NIBAN1: variants seen among roughly 807,000 people sequenced by gnomAD.
The protein encoded by NIBAN1 is protein Niban 1.
Under a neutral mutation model 75.1 loss-of-function variants are expected in NIBAN1, and 81 were observed. The observed-to-expected ratio is 1.08, with a 90% CI of 0.90 to 1.30. The LOEUF is 1.30. NIBAN1 is among the 50% of genes most tolerant of loss of function. The pLI is 0.00. For synonymous variants in NIBAN1, 436 were observed against 424.8 expected, an observed-to-expected ratio of 1.03 and a Z score of -0.32; for missense variants, 1,133 against 1,128.1, an observed-to-expected ratio of 1.00 and a Z score of -0.06.
chr1:184,918,603 T>C (rs1404733617), intron 1 of NIBAN1, among the ~76,000 whole-genome samples: 1 of 152,222 alleles, frequency 6.6e-6, no homozygotes, highest in Non-Finnish European at 1.5e-5. Context: ...TAAATTCCTA[T>C]TCATCTGCAA....
intron 6 of NIBAN1, among the ~76,000 whole-genome samples, 198 bp from the exon 7 acceptor site, chr1:184,823,940 C>A (rs1257533863): frequency 6.6e-6 from 1 of 152,192 alleles, no homozygotes; most frequent in Non-Finnish European, 1.5e-5. Flanking sequence ...TCTTAAACAT[C>A]CGCAAGGAAC....
chr1:184,908,816 G>A (rs1292667356), intron 1 of NIBAN1, among the ~76,000 whole-genome samples: 1 of 152,138 alleles, frequency 6.6e-6, no homozygotes, highest in East Asian at 1.9e-4. Context: ...TTTCTAAGCT[G>A]TCTAATGCCC....
At chr1:184,844,740 G>A (rs1285527251) in intron 5 of NIBAN1, among the ~76,000 whole-genome samples, 2 of 152,112 alleles carry the variant, frequency 1.3e-5, no homozygotes, top group Non-Finnish European at 2.9e-5. Context: ...ATACATCCCA[G>A]CTTCATTATT....
chr1:184,860,176 G>A (rs1031196749), intron 5 of NIBAN1, among the ~76,000 whole-genome samples: 3 of 150,704 alleles, frequency 2.0e-5, no homozygotes, highest in African/African-American at 7.3e-5. Context: ...GGCCCAGACT[G>A]TAGACAGAAG....
At chr1:184,830,941 A>G (rs972733889) in intron 6 of NIBAN1, among the ~76,000 whole-genome samples, 4 of 151,630 alleles carry the variant, frequency 2.6e-5, no homozygotes, top group Admixed American at 2.6e-4. Flanking sequence ...CGGAGGTTGC[A>G]GTGAGCTGAG....
chr1:184,795,239 T>C lies in NIBAN1; in HGVS notation c.2525A>G (p.Glu842Gly), dbSNP rs1355479083. The C allele has an allele frequency of 1.2e-6, 2 of 1,613,674 alleles. No individual in the cohort carries two copies. Among genetic ancestry groups the C allele is most frequent in the South Asian group, 2.2e-5 (2 of 91,094 alleles). The change falls in exon 14 of 14, where the codon GAG becomes GGG. Residue 842 changes from glutamate (E) to glycine (G), a missense_variant. Glu to Gly is a moderately conservative substitution (Grantham distance 98, BLOSUM62 -2). Coordinates refer to ENST00000367511, the MANE Select transcript of NIBAN1 (RefSeq NM_052966.4). ...GGGGTCAGAACCTAAGGTGCAGCCC[T>C]CTTGCTGTGAGGCATCCCCTTCCTC... The part of the protein sequence containing the change: ...CTEEGDASQQ[E>G]GCTLGSDPIC...
At chr1:184,816,786 C>T (rs1462979390) in intron 9 of NIBAN1, among the ~76,000 whole-genome samples, 1 of 151,508 alleles carries the variant, frequency 6.6e-6, no homozygotes, top group Non-Finnish European at 1.5e-5. Context: ...AGTACATTTA[C>T]AATAGTGCTA....
chr1:184,955,028 T>TTTAATTTA (rs1658448245), intron 1 of NIBAN1, among the ~76,000 whole-genome samples: 2 of 152,234 alleles, frequency 1.3e-5, no homozygotes, highest in Non-Finnish European at 2.9e-5. Flanking sequence ...TTTTAAAAAC[T>TTTAATTTA]GATTACATTA....
intron 1 of NIBAN1, among the ~76,000 whole-genome samples, chr1:184,968,981 G>A (rs28677985): frequency 0.023 from 3,555 of 152,264 alleles, 121 homozygotes; most frequent in African/African-American, 0.081. Context: ...TTACAATCCA[G>A]CCAGCAGTGT....
chr1:184,943,940 A>G (rs1448631144), intron 1 of NIBAN1, among the ~76,000 whole-genome samples: 1 of 152,234 alleles, frequency 6.6e-6, no homozygotes, highest in Admixed American at 6.5e-5. Context: ...TCACAAAAAC[A>G]GGGTAAGATG....
chr1:184,868,718 A>G (rs753573968), intron 5 of NIBAN1, among the ~76,000 whole-genome samples: 2 of 133,322 alleles, frequency 1.5e-5, no homozygotes, highest in Non-Finnish European at 3.1e-5. Context: ...TTCCTGAATA[A>G]GGAATGAGAT....
rs1653824116 is a variant in NIBAN1, at chr1:184,795,449, T to C, written c.2315A>G (p.Glu772Gly). The change falls in exon 14 of 14, where the codon GAG (glutamate) becomes GGG (glycine). Residue 772 changes from glutamate (E) to glycine (G), a missense_variant. Coordinates refer to ENST00000367511, the MANE Select transcript of NIBAN1 (RefSeq NM_052966.4). The part of the protein sequence containing the change: ...NCEESEVSER[E>G]AQPPCPEAHG... ...GGCCTCGGGACAGGGAGGTTGGGCC[T>C]CCCTCTCGCTGACTTCACTTTCTTC... 5.6e-6 allele frequency: 9 copies of C among 1,608,088 alleles called. No individual in the cohort carries two copies. The highest frequency in any genetic ancestry group is 1.1e-5 in the South Asian group (1 of 90,320).
At chr1:184,844,919 A>G in intron 5 of NIBAN1, among the ~76,000 whole-genome samples, 1 of 152,238 alleles carries the variant, frequency 6.6e-6, no homozygotes, top group East Asian at 1.9e-4. Context: ...TTGGAGGGGC[A>G]GTATACAATT....
rs373616610 is a variant in NIBAN1, at chr1:184,952,591, A to T, written c.55+21711T>A. Among the ~76,000 whole-genome samples, 3 of 152,166 alleles carry T rather than the reference A, an allele frequency of 2.0e-5. No homozygotes were observed. In the East Asian group the frequency reaches 5.8e-4, roughly 29 times the overall value. ...TAAAAAAGAAAATTGCACACAAAAAAATCTCATAATGTTTTAGGAAAGTTT... is the reference window on the plus strand; with the variant it reads ...TAAAAAAGAAAATTGCACACAAAAATATCTCATAATGTTTTAGGAAAGTTT... On this transcript the variant is annotated intron_variant, in intron 1 of 13. Coordinates refer to ENST00000367511, the MANE Select transcript of NIBAN1 (RefSeq NM_052966.4).
At chr1:184,910,782 T>C (rs963651822) in intron 1 of NIBAN1, among the ~76,000 whole-genome samples, 1 of 152,134 alleles carries the variant, frequency 6.6e-6, no homozygotes, top group Non-Finnish European at 1.5e-5. Flanking sequence ...TAAAGCCGAT[T>C]GGGCAATGTG....
intron 1 of NIBAN1, among the ~76,000 whole-genome samples, chr1:184,908,407 A>G (rs1173839061): frequency 6.6e-6 from 1 of 152,228 alleles, no homozygotes; most frequent in Non-Finnish European, 1.5e-5. Flanking sequence ...AAAGGTTAAT[A>G]TAAGTAAGAG....
chr1:184,964,162 TGTAA>T (rs1281157394), intron 1 of NIBAN1, among the ~76,000 whole-genome samples: 9 of 152,048 alleles, frequency 5.9e-5, no homozygotes, highest in Non-Finnish European at 1.0e-4. Context: ...ATGAGAATCC[TGTAA>T]GTGTTTAATG....
chr1:184,813,862 A>G (rs755179687), intron 9 of NIBAN1, among the ~76,000 whole-genome samples: 1 of 152,316 alleles, frequency 6.6e-6, no homozygotes, highest in Non-Finnish European at 1.5e-5. Flanking sequence ...CTGCATTTCT[A>G]TCTGGGTCCT....
intron 5 of NIBAN1, among the ~76,000 whole-genome samples, chr1:184,842,933 G>T (rs1655334557): frequency 1.3e-5 from 2 of 152,064 alleles, no homozygotes; most frequent in African/African-American, 4.8e-5. Flanking sequence ...AAGCAAAGGT[G>T]ATAGTAGAAG....
Sources: allele counts gnomAD v4.1 joint callset (sites outside exome capture counted in the v4.1 genomes callset), GRCh38; gene constraint gnomAD v4.1.1; transcripts MANE v1.5; gene names NCBI Gene and HGNC (gene_info 2026-07-23, HGNC 2026-07-21).